Variants in ATAD1 observed in about 807,000 individuals in gnomAD.
The protein encoded by ATAD1 is outer mitochondrial transmembrane helix translocase.
ATAD1 carries 18 observed loss-of-function variants against 42.7 expected under a neutral mutation model. The observed-to-expected ratio is 0.42, with a 90% CI of 0.29 to 0.63. ATAD1 has a LOEUF of 0.63. Ranked by LOEUF, ATAD1 falls within the 20% of genes least tolerant of loss-of-function variation. The probability of loss-of-function intolerance (pLI) is 0.19; values close to 1 mark genes in which losing one functional copy is unlikely to be tolerated. For synonymous variants in ATAD1, 132 were observed against 143.1 expected (o/e 0.92, Z 0.55); for missense variants, 294 against 440.4 (o/e 0.67, Z 2.98).
intron 8 of ATAD1, among the ~76,000 whole-genome samples, chr10:87,764,302 A>G (rs1055121508): frequency 2.0e-5 from 3 of 152,100 alleles, no homozygotes; most frequent in Non-Finnish European, 4.4e-5. Context: ...TCTATGAAAA[A>G]ATACAAAAAA....
rs575898152 is a variant in ATAD1 at position 87,803,860 on chromosome 10, T to G, written c.162+10578A>C. 2.6e-5 allele frequency among the ~76,000 whole-genome samples: 4 copies of G among 152,306 alleles called. 1 individual carries two copies. In the South Asian group the frequency reaches 8.3e-4, roughly 32 times the overall value. On this transcript the variant is annotated intron_variant, in intron 2 of 9. Coordinates refer to ENST00000680024, the MANE Select transcript of ATAD1 (RefSeq NM_001321967.2). ...ACTGCAGAGTTTTTTCTCCTCTGATTCCCAGCTCCTATTGCTTTTCTTTCC... is the reference window on the plus strand; with the variant it reads ...ACTGCAGAGTTTTTTCTCCTCTGATGCCCAGCTCCTATTGCTTTTCTTTCC...
intron 2 of ATAD1, among the ~76,000 whole-genome samples, chr10:87,796,414 T>G (rs1292474151): frequency 6.6e-6 from 1 of 152,210 alleles, no homozygotes; most frequent in Admixed American, 6.5e-5. Context: ...TTCAAAAGAA[T>G]GCAATCATTT....
At chr10:87,831,787 C>A (rs539892547) in intron 1 of ATAD1, among the ~76,000 whole-genome samples, 3 of 152,240 alleles carry the variant, frequency 2.0e-5, no homozygotes, top group Non-Finnish European at 4.4e-5. Context: ...TGGTTAAGAA[C>A]CTGGTGCATT....
chr10:87,786,236 T>TA (rs1855827085), intron 4 of ATAD1, among the ~76,000 whole-genome samples: 1 of 152,232 alleles, frequency 6.6e-6, no homozygotes, highest in Non-Finnish European at 1.5e-5. Flanking sequence ...GTTTTTATAT[T>TA]GTTACACTTG....
At chr10:87,784,290 A>T (rs1238967102) in intron 5 of ATAD1, among the ~76,000 whole-genome samples, 180 bp downstream of exon 5, 2 of 152,208 alleles carry the variant, frequency 1.3e-5, no homozygotes, top group Non-Finnish European at 2.9e-5. Context: ...TCTATCAAGT[A>T]GGGGAGTATA....
chr10:87,802,459 A>C (rs1039814927), intron 2 of ATAD1, among the ~76,000 whole-genome samples: 5 of 152,194 alleles, frequency 3.3e-5, no homozygotes, highest in Admixed American at 2.0e-4. Context: ...GGCTTTAAAA[A>C]AGTCTTACCT....
chr10:87,801,711 A>C (rs746845592), intron 2 of ATAD1, among the ~76,000 whole-genome samples: 3 of 152,230 alleles, frequency 2.0e-5, no homozygotes, highest in Admixed American at 6.5e-5. Context: ...ATCCATGGAC[A>C]ATTGTTACCT....
intron 1 of ATAD1, among the ~76,000 whole-genome samples, chr10:87,827,152 A>G (rs976676624): frequency 6.6e-6 from 1 of 152,270 alleles, no homozygotes; most frequent in African/African-American, 2.4e-5. Context: ...AGTATTTAAT[A>G]TACCATTATT....
chr10:87,778,651 A>G (rs1179390532), intron 5 of ATAD1, among the ~76,000 whole-genome samples: 1 of 152,210 alleles, frequency 6.6e-6, no homozygotes, highest in Non-Finnish European at 1.5e-5. Flanking sequence ...CACTTGTGGC[A>G]TCATGTTGTT....
chr10:87,813,757 AATT>A (rs2132060875), intron 2 of ATAD1, among the ~76,000 whole-genome samples: 2 of 152,160 alleles, frequency 1.3e-5, no homozygotes, highest in East Asian at 3.9e-4. Context: ...TTTTAAGATA[AATT>A]ATGTTATTAT....
chr10:87,808,891 T>C (rs1564776989), intron 2 of ATAD1, among the ~76,000 whole-genome samples: 1 of 152,222 alleles, frequency 6.6e-6, no homozygotes, highest in Non-Finnish European at 1.5e-5. Flanking sequence ...ACTGTAGTTA[T>C]GCTAGCCTCA....
At chr10:87,803,064 T>C (rs1856776372) in intron 2 of ATAD1, among the ~76,000 whole-genome samples, 1 of 152,228 alleles carries the variant, frequency 6.6e-6, no homozygotes, top group Non-Finnish European at 1.5e-5. Context: ...TAAGCCACTT[T>C]AATACCTGCC....
intron 1 of ATAD1, among the ~76,000 whole-genome samples, chr10:87,827,863 T>A (rs1291145949): frequency 6.6e-6 from 1 of 152,132 alleles, no homozygotes; most frequent in South Asian, 2.1e-4. Flanking sequence ...TGAAAAAAGG[T>A]ATGTTGAAAG....
intron 1 of ATAD1, among the ~76,000 whole-genome samples, chr10:87,839,466 T>C (rs1032303164): frequency 2.0e-4 from 30 of 152,326 alleles, no homozygotes; most frequent in African/African-American, 7.0e-4. Context: ...ATAAAGCAAT[T>C]TGCTTGTCTT....
intron 1 of ATAD1, among the ~76,000 whole-genome samples, chr10:87,830,538 A>G (rs1857809965): frequency 6.6e-6 from 1 of 152,194 alleles, no homozygotes. Context: ...TGAATGAATC[A>G]TGTTTAACTG....
chr10:87,834,037 C>T (rs983214411), intron 1 of ATAD1, among the ~76,000 whole-genome samples: 3 of 152,110 alleles, frequency 2.0e-5, no homozygotes, highest in Admixed American at 6.6e-5. Flanking sequence ...TTTTCTGTAT[C>T]AAGTGGTATG....
At chr10:87,757,641 C>G (rs772404215) in intron 8 of ATAD1, among the ~76,000 whole-genome samples, 29 of 152,116 alleles carry the variant, frequency 1.9e-4, no homozygotes, top group Non-Finnish European at 1.2e-4. Flanking sequence ...ACGGTCAGAG[C>G]CAGGATTTGA....
At chr10:87,836,570 AAAT>A (rs1857934155) in intron 1 of ATAD1, among the ~76,000 whole-genome samples, 1 of 152,134 alleles carries the variant, frequency 6.6e-6, no homozygotes, top group African/African-American at 2.4e-5. Flanking sequence ...TTTCCCCTGT[AAAT>A]AATGTATCAT....
intron 5 of ATAD1, among the ~76,000 whole-genome samples, chr10:87,782,754 T>C (rs1275016405): frequency 6.6e-6 from 1 of 152,136 alleles, no homozygotes; most frequent in Non-Finnish European, 1.5e-5. Context: ...CCCAGCACTT[T>C]AGGAGGCTGA....
Sources: gnomAD v4.1 joint callset for allele counts (sites outside exome capture counted in the v4.1 genomes callset) on GRCh38, gnomAD v4.1.1 for gene constraint, MANE v1.5 for transcripts, NCBI Gene and HGNC (gene_info 2026-07-23, HGNC 2026-07-21) for gene names.